The following TENM2 variants were observed in gnomAD, a reference collection of about 807,000 sequenced individuals.
The protein encoded by TENM2 is teneurin-2.
TENM2 carries 52 observed loss-of-function variants against 245.2 expected under a neutral mutation model. That is an observed-to-expected ratio of 0.21 (90% CI 0.17 to 0.27). The LOEUF is 0.27. Among genes scored for constraint, TENM2 ranks in the 10% least tolerant of loss-of-function variants. The pLI is 1.00. For missense variants in TENM2, 3,046 were observed against 3,666.8 expected (o/e 0.83, Z 4.37); for synonymous variants, 1,363 against 1,438.9 (o/e 0.95, Z 1.19).
At chr5:167,723,974 T>C (rs1460174083) in intron 2 of TENM2, among the ~76,000 whole-genome samples, 2 of 152,212 alleles carry the variant, frequency 1.3e-5, no homozygotes, top group Admixed American at 6.5e-5. Context: ...GGTATAAATA[T>C]ATGAGTTCCA....
At chr5:167,445,336 T>TATATAGAGAGAGAGAGAGAGAGAG (rs368881390) in intron 2 of TENM2, among the ~76,000 whole-genome samples, 2 of 77,316 alleles carry the variant, frequency 2.6e-5, no homozygotes, top group Non-Finnish European at 2.4e-5. Context: ...TATATATATA[T>TATATAGAGAGAGAGAGAGAGAGAG]AGAGAGAGAG....
rs866386957 is a variant in TENM2 at position 167,844,085 on chromosome 5, G to A, written c.503-31901G>A. Among the ~76,000 whole-genome samples, 149 of 152,296 alleles carry A rather than the reference G, an allele frequency of 9.8e-4. 1 individual carries two copies. The highest frequency in any genetic ancestry group is 3.5e-3 in the African/African-American group (145 of 41,564). ...GCCTGTACAGCTTAGTTTGCTCAGT[G>A]TCCAGGTGGCTTTAGTTATGACTTA... On this transcript the variant is annotated intron_variant, in intron 2 of 28. Transcript: ENST00000518659.
intron 2 of TENM2, among the ~76,000 whole-genome samples, chr5:167,805,930 TC>T (rs1393023068): frequency 2.0e-5 from 3 of 152,188 alleles, no homozygotes; most frequent in African/African-American, 7.2e-5. Flanking sequence ...GATTTTCATT[TC>T]CTATAAAATA....
chr5:167,257,781 C>T, the TENM2 span, among the ~76,000 whole-genome samples: 1 of 151,972 alleles, frequency 6.6e-6, no homozygotes, highest in Non-Finnish European at 1.5e-5. Context: ...ATAGAAAATA[C>T]ACTTGGTACA....
At chr5:167,595,450 G>T (rs993576035) in intron 2 of TENM2, among the ~76,000 whole-genome samples, 2 of 152,146 alleles carry the variant, frequency 1.3e-5, no homozygotes, top group Non-Finnish European at 2.9e-5. Flanking sequence ...CCATGATCAA[G>T]GTTTTTGACA....
At chr5:167,754,805 A>G (rs990513864) in intron 2 of TENM2, 73 of 382,636 alleles carry the variant, frequency 1.9e-4, no homozygotes, top group Non-Finnish European at 3.3e-4. Flanking sequence ...CATGGGCAGG[A>G]CTTGCGGTTG....
intron 2 of TENM2, among the ~76,000 whole-genome samples, chr5:167,388,161 G>A (rs766159797): frequency 1.3e-5 from 2 of 151,766 alleles, no homozygotes; most frequent in African/African-American, 4.8e-5. Context: ...TTTCTTTTTC[G>A]GTAACTTTTA....
intron 2 of TENM2, among the ~76,000 whole-genome samples, chr5:167,649,362 A>G (rs1780184000): frequency 6.6e-6 from 1 of 152,024 alleles, no homozygotes; most frequent in Non-Finnish European, 1.5e-5. Flanking sequence ...GTGCTGGAGA[A>G]CTCAGCATTC....
the TENM2 span, among the ~76,000 whole-genome samples, chr5:167,145,712 G>A: frequency 6.6e-6 from 1 of 152,210 alleles, no homozygotes; most frequent in African/African-American, 2.4e-5. Flanking sequence ...AGATCCTTCC[G>A]CTGCCCGGCT....
At chr5:167,363,563 C>G (rs1759841208) in intron 1 of TENM2, among the ~76,000 whole-genome samples, 1 of 151,552 alleles carries the variant, frequency 6.6e-6, no homozygotes, top group African/African-American at 2.4e-5. Flanking sequence ...AACCCTGTCT[C>G]TACTAAAAAT....
At chr5:168,145,788 G>A (rs1228844109) in intron 12 of TENM2, among the ~76,000 whole-genome samples, 86 of 149,700 alleles carry the variant, frequency 5.7e-4, no homozygotes, top group African/African-American at 1.9e-3. Context: ...CCATTTTCAC[G>A]ATATTGATTC....
intron 2 of TENM2, among the ~76,000 whole-genome samples, chr5:167,762,696 A>G (rs976900693): frequency 6.6e-6 from 1 of 152,222 alleles, no homozygotes; most frequent in Non-Finnish European, 1.5e-5. Flanking sequence ...TACTCAATCT[A>G]TTATAAAGTA....
At chr5:167,222,807 A>T in the TENM2 span, among the ~76,000 whole-genome samples, 1 of 152,152 alleles carries the variant, frequency 6.6e-6, no homozygotes, top group Non-Finnish European at 1.5e-5. Flanking sequence ...TTGTATTCTA[A>T]AAACATTGCA....
At chr5:167,185,510 A>T in the TENM2 span, among the ~76,000 whole-genome samples, 4 of 152,130 alleles carry the variant, frequency 2.6e-5, no homozygotes, top group Non-Finnish European at 4.4e-5. Flanking sequence ...ATATATGTTT[A>T]GAAGTCCAAC....
intron 1 of TENM2, among the ~76,000 whole-genome samples, chr5:167,359,633 A>C (rs548279600): frequency 2.0e-5 from 3 of 151,982 alleles, no homozygotes; most frequent in East Asian, 1.9e-4. Context: ...CTGTCACGAA[A>C]CCTTTGCCAG....
the TENM2 span, among the ~76,000 whole-genome samples, chr5:167,181,339 C>T: frequency 6.6e-6 from 1 of 152,082 alleles, no homozygotes; most frequent in Non-Finnish European, 1.5e-5. Flanking sequence ...TCTTCCTTCT[C>T]ACCCTTTCTT....
At chr5:167,006,157 C>T in the TENM2 span, among the ~76,000 whole-genome samples, 1 of 152,108 alleles carries the variant, frequency 6.6e-6, no homozygotes, top group African/African-American at 2.4e-5. Flanking sequence ...ATTGCACGCA[C>T]AATTCCCAGA....
chr5:168,108,337 G>T (rs568308574), intron 9 of TENM2, among the ~76,000 whole-genome samples: 3 of 152,230 alleles, frequency 2.0e-5, no homozygotes, highest in Non-Finnish European at 4.4e-5. Context: ...GTTTGAATTT[G>T]CTAGGTTTGA....
intron 2 of TENM2, among the ~76,000 whole-genome samples, chr5:167,538,031 T>A (rs1771960579): frequency 6.6e-6 from 1 of 151,438 alleles, no homozygotes; most frequent in Non-Finnish European, 1.5e-5. Context: ...TAATGAGGAG[T>A]TTCTAATCAG....
Sources: gnomAD v4.1 joint callset for allele counts (sites outside exome capture counted in the v4.1 genomes callset) on GRCh38, gnomAD v4.1.1 for gene constraint, MANE v1.5 for transcripts, NCBI Gene and HGNC (gene_info 2026-07-23, HGNC 2026-07-21) for gene names.